COL6A6: variants seen among roughly 807,000 people sequenced by gnomAD.
COL6A6 encodes the protein collagen type VI alpha 6 chain, also known as collagen alpha-6(VI) chain.
Under a neutral mutation model 208.6 loss-of-function variants are expected in COL6A6, and 183 were observed. The observed-to-expected ratio is 0.88, with a 90% CI of 0.78 to 0.99. The LOEUF is 0.99. COL6A6 is among the 50% of genes least tolerant of loss of function. The pLI, the probability that COL6A6 is intolerant of heterozygous loss-of-function variation, is 0.00. For synonymous variants in COL6A6, 973 were observed against 1,011.8 expected (o/e 0.96, Z 0.73); for missense variants, 2,816 against 2,815.2 (o/e 1.00, Z -0.01).
chr3:130,623,764 T>G (rs1159680726), intron 24 of COL6A6, among the ~76,000 whole-genome samples: 1 of 152,178 alleles, frequency 6.6e-6, no homozygotes, highest in Non-Finnish European at 1.5e-5. Context: ...GTTGGAGATG[T>G]AAATTTCAGA....
intron 33 of COL6A6, among the ~76,000 whole-genome samples, chr3:130,651,099 C>T (rs1481132573): frequency 2.0e-5 from 3 of 152,220 alleles, no homozygotes; most frequent in Non-Finnish European, 4.4e-5. Context: ...TTATGCAACA[C>T]TGCATTAGTG....
intron 20 of COL6A6, among the ~76,000 whole-genome samples, chr3:130,605,266 A>G (rs534705202): frequency 6.6e-6 from 1 of 152,138 alleles, no homozygotes; most frequent in South Asian, 2.1e-4. Context: ...TTGTATTTCT[A>G]TCTTTCCCCT....
chr3:130,658,717 C>G lies in COL6A6; in HGVS notation c.5775C>G (p.Ser1925=), dbSNP rs200683208. 3.7e-6 allele frequency: 6 copies of G among 1,613,110 alleles called. No homozygotes were observed. In the South Asian group the frequency reaches 5.5e-5, roughly 15 times the overall value. The change falls in exon 34 of 37, where the codon TCC becomes TCG. Residue 1925 remains serine (S), a synonymous_variant. Transcript: ENST00000358511. ...TGTFQVIVVP[S]GADYIPALER... ...CATTTCAAGTAATAGTGGTTCCCTC[C>G]GGGGCCGACTACATACCAGCATTAG...
Position 130,581,805 on chromosome 3 carries a change from C to A in COL6A6, c.3792C>A (p.Ser1264Arg). 1.2e-6 allele frequency: 2 copies of A among 1,612,774 alleles called. No homozygotes were observed. Among genetic ancestry groups the A allele is most frequent in the Non-Finnish European group, 8.5e-7 (1 of 1,178,808 alleles). ...FEIYSENILN[S>R]LKDITVKGPS... ...TCTACAGTGAAAACATACTGAATAG[C>A]TTGAAGGATATAACAGTTAAAGGAC... is the stretch of plus-strand genomic sequence containing the variant. The change falls in exon 9 of 37, where the codon AGC (serine) becomes AGA (arginine). Residue 1264 changes from serine (S) to arginine (R), a missense_variant. By Grantham distance (110) the Ser-to-Arg change is moderately radical (BLOSUM62 -1). Coordinates refer to ENST00000358511, the MANE Select transcript of COL6A6 (RefSeq NM_001102608.3).
chr3:130,564,989 C>T lies in COL6A6; in HGVS notation c.662-5C>T. On this transcript the variant is annotated splice_polypyrimidine_tract_variant and splice_region_variant and intron_variant, in intron 3 of 36. Transcript: ENST00000358511. ...AATTGTGCTTGTTTATTTCTTGCCACACAGCTTGCCAAGGCCCTTCTATGG... is the reference window on the plus strand; with the variant it reads ...AATTGTGCTTGTTTATTTCTTGCCATACAGCTTGCCAAGGCCCTTCTATGG... 6.2e-7 allele frequency: 1 copy of T among 1,610,354 alleles called. No individual in the cohort carries two copies.
intron 10 of COL6A6, 59 bp from the exon 11 acceptor site, chr3:130,586,447 C>G: frequency 6.7e-7 from 1 of 1,498,756 alleles, no homozygotes; most frequent in South Asian, 1.4e-5. Context: ...AATATGCTTG[C>G]AAAAAACTAA....
At chr3:130,615,117 G>A (rs2064479034) in intron 23 of COL6A6, among the ~76,000 whole-genome samples, 1 of 152,094 alleles carries the variant, frequency 6.6e-6, no homozygotes, top group Non-Finnish European at 1.5e-5. Context: ...CTGCGTCCCA[G>A]AGATTCTGGT....
intron 1 of COL6A6, among the ~76,000 whole-genome samples, chr3:130,559,108 G>T (rs2062825883): frequency 6.6e-6 from 1 of 152,152 alleles, no homozygotes; most frequent in South Asian, 2.1e-4. Context: ...ACAGGGCAGG[G>T]CTCATAGTGA....
chr3:130,593,190 G>A lies in COL6A6; in HGVS notation c.4417-9G>A. On this transcript the variant is annotated splice_polypyrimidine_tract_variant and intron_variant, in intron 16 of 36. Transcript: ENST00000358511. ...ATTCTATTAATAGCTTTCCCTTCTT[G>A]TTTTTTAGGGTGATAATGGTCTTCC... 1.2e-6 allele frequency: 2 copies of A among 1,612,954 alleles called. No individual in the cohort carries two copies. Among genetic ancestry groups the A allele is most frequent in the Non-Finnish European group, 1.7e-6 (2 of 1,179,050 alleles).
chr3:130,618,921 T>C (rs1023485672), intron 23 of COL6A6, among the ~76,000 whole-genome samples: 1 of 152,254 alleles, frequency 6.6e-6, no homozygotes, highest in African/African-American at 2.4e-5. Context: ...GAATGAAGAA[T>C]GGAGAGTAGG....
chr3:130,634,712 T>A, intron 27 of COL6A6, 87 bp downstream of exon 27: 2 of 920,602 alleles, frequency 2.2e-6, no homozygotes, highest in Non-Finnish European at 3.4e-6. Context: ...GAAGAACAGT[T>A]AATGATAAAT....
Position 130,574,099 on chromosome 3 carries a change from G to T in COL6A6, c.3121G>T (p.Ala1041Ser). 1 of 1,613,978 alleles carries T rather than the reference G, an allele frequency of 6.2e-7. No homozygotes were observed. Among genetic ancestry groups the T allele is most frequent in the Non-Finnish European group, 8.5e-7 (1 of 1,179,890 alleles). The change falls in exon 8 of 37, where the codon GCG (alanine) becomes TCG (serine). Residue 1041 changes from alanine to serine, a missense_variant. Coordinates refer to ENST00000358511, the MANE Select transcript of COL6A6 (RefSeq NM_001102608.3). ...CAGCCTCAACAGAGTGCGAATAGGA[G>T]CGGCCCAGTTTAGCGATACCTATCA... ...DVSLNRVRIG[A>S]AQFSDTYHPE...
At position 130,661,972 on chromosome 3, in the gene COL6A6, AATGGAGATGCTTTT is replaced by A; in HGVS notation, c.6169_6182del (p.Gly2057TrpfsTer65). The A allele has an allele frequency of 6.2e-7, 1 of 1,613,988 alleles. No individual in the cohort carries two copies. The highest frequency in any genetic ancestry group is 8.5e-7 in the Non-Finnish European group (1 of 1,179,890). ...TGTGCACGAGTCAGTTAAACAACTAAATGGAGATGCTTTTATTGGTCATGCCTTACAGTGGACTC... is the reference window on the plus strand; with the variant it reads ...TGTGCACGAGTCAGTTAAACAACTAAATTGGTCATGCCTTACAGTGGACTC... On this transcript the variant is annotated frameshift_variant, in exon 35 of 37. Coordinates refer to ENST00000358511, the MANE Select transcript of COL6A6 (RefSeq NM_001102608.3). LOFTEE classifies it high-confidence loss of function.
At chr3:130,662,373 T>A (rs2065960471) in intron 35 of COL6A6, 65 bp downstream of exon 35, 3 of 1,467,040 alleles carry the variant, frequency 2.0e-6, no homozygotes, top group Admixed American at 3.9e-5. Flanking sequence ...AAAAAAAGGT[T>A]GATGAGCTAA....
intron 35 of COL6A6, among the ~76,000 whole-genome samples, chr3:130,663,108 A>G (rs748247402): frequency 1.3e-4 from 20 of 152,218 alleles, no homozygotes; most frequent in Non-Finnish European, 2.5e-4. Flanking sequence ...GTGTGGTTCA[A>G]CTGAGGTCCT....
At chr3:130,607,963 A>G (rs1228713731) in intron 21 of COL6A6, among the ~76,000 whole-genome samples, 1 of 152,204 alleles carries the variant, frequency 6.6e-6, no homozygotes, top group Non-Finnish European at 1.5e-5. Flanking sequence ...TTCAGTGTCT[A>G]GTGAGGGCTT....
chr3:130,628,397 C>A (rs2064954540), intron 26 of COL6A6, among the ~76,000 whole-genome samples: 1 of 152,012 alleles, frequency 6.6e-6, no homozygotes, highest in Admixed American at 6.6e-5. Context: ...AGAATATACT[C>A]AGAAAAACAT....
intron 24 of COL6A6, among the ~76,000 whole-genome samples, chr3:130,624,400 A>C (rs986020414): frequency 1.3e-5 from 2 of 152,230 alleles, no homozygotes; most frequent in African/African-American, 4.8e-5. Context: ...CCAGCAGTTG[A>C]ATGTTGCAAA....
Position 130,581,908 on chromosome 3 carries a change from A to G in COL6A6, c.3891+4A>G. The G allele has an allele frequency of 1.2e-6, 2 of 1,601,626 alleles. No individual in the cohort carries two copies. The highest frequency in any genetic ancestry group is 1.7e-6 in the Non-Finnish European group (2 of 1,171,712). On this transcript the variant is annotated splice_donor_region_variant and intron_variant, in intron 9 of 36. Transcript: ENST00000358511. ...TAAATCAGCTGCTCGAGGAAAGGTA[A>G]CATGGATTTATCTTATTTGTTGGTC... is the stretch of plus-strand genomic sequence containing the variant.
Sources: allele counts gnomAD v4.1 joint callset (sites outside exome capture counted in the v4.1 genomes callset), GRCh38; gene constraint gnomAD v4.1.1; transcripts MANE v1.5; gene names NCBI Gene and HGNC (gene_info 2026-07-23, HGNC 2026-07-21).